The following IGFBPL1 variants were observed in gnomAD, a reference collection of about 807,000 sequenced individuals.
IGFBPL1 encodes insulin-like growth factor-binding protein-like 1.
In IGFBPL1, 20 loss-of-function variants were observed where a neutral mutation model predicts 23.9. The ratio of observed to expected loss-of-function variants is 0.84; its 90% CI spans 0.59 to 1.22. IGFBPL1 has a LOEUF of 1.22. Among genes scored for constraint, IGFBPL1 ranks in the 50% most tolerant of loss-of-function variants. The probability of loss-of-function intolerance (pLI) is 0.00; values close to 1 mark genes in which losing one functional copy is unlikely to be tolerated. For missense variants in IGFBPL1, 436 were observed against 379.3 expected (o/e 1.15, Z -1.24); for synonymous variants, 184 against 171.8 (o/e 1.07, Z -0.56).
At chr9:38,414,314 A>T in intron 1 of IGFBPL1, 111 bp from the exon 2 acceptor site, 1 of 635,740 alleles carries the variant, frequency 1.6e-6, no homozygotes, top group Non-Finnish European at 2.8e-6. Context: ...ACATGAGGGG[A>T]GCGGCACATC....
intron 2 of IGFBPL1, 61 bp downstream of exon 2, chr9:38,414,033 T>TCTCTCTCTCACA: frequency 1.5e-6 from 1 of 680,748 alleles, no homozygotes; most frequent in African/African-American, 1.9e-5. Flanking sequence ...TCCCTCTTTC[T>TCTCTCTCTCACA]CACACACACA....
In IGFBPL1 at chr9:38,413,258, A is replaced by G; in HGVS notation, c.666T>C (p.His222=). ...AVQVRGGPSD[H]EATAWILINP... is the part of the protein sequence containing the mutation. ...TCACCAAAATCCAGGCCGTGGCCTC[A>G]TGGTCAGAAGGGCCCCCTCGCACTT... The change falls in exon 3 of 5, where the codon CAT becomes CAC. Residue 222 remains histidine (H), a synonymous_variant. Coordinates refer to ENST00000377694, the MANE Select transcript of IGFBPL1 (RefSeq NM_001007563.3). 1 of 1,613,232 alleles carries G rather than the reference A, an allele frequency of 6.2e-7. No homozygotes were observed. Among genetic ancestry groups the G allele is most frequent in the Non-Finnish European group, 8.5e-7 (1 of 1,179,262 alleles).
intron 1 of IGFBPL1, among the ~76,000 whole-genome samples, chr9:38,415,134 T>G (rs1821582843): frequency 6.6e-6 from 1 of 152,220 alleles, no homozygotes; most frequent in South Asian, 2.1e-4. Context: ...ATCACACCCC[T>G]GCTTCCTAGG....
chr9:38,417,580 T>C (rs1440821400), intron 1 of IGFBPL1, among the ~76,000 whole-genome samples: 3 of 152,176 alleles, frequency 2.0e-5, no homozygotes, highest in Non-Finnish European at 4.4e-5. Context: ...TCTGGTTCAA[T>C]GATTTCCTAG....
At chr9:38,418,380 T>C (rs1587416060) in intron 1 of IGFBPL1, among the ~76,000 whole-genome samples, 2 of 152,190 alleles carry the variant, frequency 1.3e-5, no homozygotes, top group East Asian at 3.9e-4. Context: ...AAGGCTGTTG[T>C]GAGGAACAAT....
At chr9:38,416,278 A>T (rs892311843) in intron 1 of IGFBPL1, among the ~76,000 whole-genome samples, 1 of 152,194 alleles carries the variant, frequency 6.6e-6, no homozygotes, top group Non-Finnish European at 1.5e-5. Flanking sequence ...GATTTCATCA[A>T]TCCCTTTCAG....
At position 38,414,119 on chromosome 9, in the gene IGFBPL1, G is replaced by A; in HGVS notation, c.545C>T (p.Pro182Leu). ...VGLSCEVRAV[P>L]TPVITWRKVT... is the part of the protein sequence containing the mutation. ...CTTTCTCCACGTGATGACTGGGGTA[G>A]GCACAGCCCTCACTTCACAGGACAG... Residue 182 changes from proline (P) to leucine (L), a missense_variant, in exon 2 of 5, where the codon CCT becomes CTT. By Grantham distance (98) the Pro-to-Leu change is moderately conservative (BLOSUM62 -3). Transcript: ENST00000377694. The A allele has an allele frequency of 6.2e-7, 1 of 1,611,870 alleles. No individual in the cohort carries two copies. The highest frequency in any genetic ancestry group is 1.7e-5 in the Admixed American group (1 of 59,932).
At position 38,407,720 on chromosome 9, in the gene IGFBPL1, CT is replaced by C. The variant is rs951538374; in HGVS notation, c.*1506del. Reference sequence around the variant, plus strand: ...TGAGCTCTGCTCCTCTTTCAGAGGCCTTCAGGCCTTGGGCAAGTAGCTTCTC... The same window carrying C: ...TGAGCTCTGCTCCTCTTTCAGAGGCCTCAGGCCTTGGGCAAGTAGCTTCTC... On this transcript the variant is annotated 3_prime_UTR_variant, in exon 5 of 5. Transcript: ENST00000377694. 6.6e-6 allele frequency among the ~76,000 whole-genome samples: 1 copy of C among 152,198 alleles called. No homozygotes were observed. The highest frequency in any genetic ancestry group is 2.4e-5 in the African/African-American group (1 of 41,462).
chr9:38,407,579 T>G lies in IGFBPL1; in HGVS notation c.*1648A>C, dbSNP rs989329595. On this transcript the variant is annotated 3_prime_UTR_variant, in exon 5 of 5. Transcript: ENST00000377694. Reference sequence around the variant, plus strand: ...TGTGCCTTAAAAGTTGGGATGAGTCTTGATAAGAGTCCCTGAAGCCTGTGG... The same window carrying G: ...TGTGCCTTAAAAGTTGGGATGAGTCGTGATAAGAGTCCCTGAAGCCTGTGG... Among the ~76,000 whole-genome samples, 3 of 152,254 alleles carry G rather than the reference T, an allele frequency of 2.0e-5. No homozygotes were observed. The highest frequency in any genetic ancestry group is 7.2e-5 in the African/African-American group (3 of 41,470).
At position 38,407,478 on chromosome 9, in the gene IGFBPL1, T is replaced by G. The variant is rs1002167542; in HGVS notation, c.*1749A>C. On this transcript the variant is annotated 3_prime_UTR_variant, in exon 5 of 5. Transcript: ENST00000377694. ...CCATCCCAATATATTAGACATGGAATGGCAGGCTTACAGGCGGAAAGTTCA... is the reference window on the plus strand; with the variant it reads ...CCATCCCAATATATTAGACATGGAAGGGCAGGCTTACAGGCGGAAAGTTCA... Among the ~76,000 whole-genome samples, 1 of 152,174 alleles carries G rather than the reference T, an allele frequency of 6.6e-6. No homozygotes were observed. The highest frequency in any genetic ancestry group is 1.5e-5 in the Non-Finnish European group (1 of 68,020).
intron 1 of IGFBPL1, among the ~76,000 whole-genome samples, chr9:38,414,977 C>T (rs1821578466): frequency 6.6e-6 from 1 of 152,196 alleles, no homozygotes; most frequent in Non-Finnish European, 1.5e-5. Flanking sequence ...CTGGAATAAT[C>T]AAGGCCAGGC....
chr9:38,423,839 C>A (rs1274023113), intron 1 of IGFBPL1, 126 bp downstream of exon 1: 6 of 912,912 alleles, frequency 6.6e-6, no homozygotes, highest in Non-Finnish European at 8.7e-6. Context: ...TGAAATACTG[C>A]TCCCTAAGGG....
rs749635235 is a variant in IGFBPL1 at position 38,407,616 on chromosome 9, C to T, written c.*1611G>A. On this transcript the variant is annotated 3_prime_UTR_variant, in exon 5 of 5. Transcript: ENST00000377694. ...CCTGAAGCCTGTGGATTGGCAACAT[C>T]TGCCTTTACATAGTTTTGAGATGAC... Among the ~76,000 whole-genome samples, 1 of 152,212 alleles carries T rather than the reference C, an allele frequency of 6.6e-6. No individual in the cohort carries two copies. The highest frequency in any genetic ancestry group is 2.4e-5 in the African/African-American group (1 of 41,456).
chr9:38,414,035 A>T (rs12002718), intron 2 of IGFBPL1, 59 bp downstream of exon 2: 104 of 479,666 alleles, frequency 2.2e-4, no homozygotes, highest in African/African-American at 1.9e-3. Context: ...CCTCTTTCTC[A>T]CACACACACA....
In IGFBPL1 at chr9:38,411,434, CT is replaced by C. The variant is rs1349976974; in HGVS notation, c.802del (p.Ser268AlafsTer24). 1 of 1,613,820 alleles carries C rather than the reference CT, an allele frequency of 6.2e-7. No homozygotes were observed. The highest frequency in any genetic ancestry group is 2.2e-5 in the East Asian group (1 of 44,890). ...GTCATCGGGAGCTGGGAAGTGGAAG[CT>C]CCTGTATTTACTCAGATCTAGAACC... ...VTVLDLSKYRSFHFPAPDDRM is the reference protein window; with the variant it reads ...VTVLDLSKYRXFHFPAPDDRM On this transcript the variant is annotated frameshift_variant, in exon 4 of 5. Coordinates refer to ENST00000377694, the MANE Select transcript of IGFBPL1 (RefSeq NM_001007563.3). LOFTEE classifies it high-confidence loss of function.
chr9:38,414,285 A>G, intron 1 of IGFBPL1, 82 bp from the exon 2 acceptor site: 2 of 771,120 alleles, frequency 2.6e-6, no homozygotes, highest in South Asian at 3.3e-5. Context: ...TGCCGCGGAG[A>G]GCCCGCTGTG....
Position 38,423,985 on chromosome 9 carries a change from C to G in IGFBPL1, c.440G>C (p.Arg147Pro). ...RAHPGHLHKA[R>P]DGPCEFAPVV... ...CTCACCGAACTCGCAAGGGCCGTCG[C>G]GCGCCTTGTGCAGGTGACCGGGGTG... The change falls in exon 1 of 5, where the codon CGC becomes CCC. Residue 147 changes from arginine (R) to proline (P), a missense_variant. Coordinates refer to ENST00000377694, the MANE Select transcript of IGFBPL1 (RefSeq NM_001007563.3). 7.1e-7 allele frequency: 1 copy of G among 1,406,846 alleles called. No homozygotes were observed. The highest frequency in any genetic ancestry group is 9.2e-7 in the Non-Finnish European group (1 of 1,090,004). The allele number at this position is 1,406,846 out of a possible 1,614,324, so 87.1% of individuals were successfully genotyped here.
chr9:38,413,314 G>C lies in IGFBPL1; in HGVS notation c.610C>G (p.Leu204Val), dbSNP rs1821542708. 4 of 1,613,880 alleles carry C rather than the reference G, an allele frequency of 2.5e-6. No homozygotes were observed. Among genetic ancestry groups the C allele is most frequent in the Non-Finnish European group, 2.5e-6 (3 of 1,179,838 alleles). ...SPEGTQALEE[L>V]PGDHVNIAVQ... ...GCTATATTGACATGGTCCCCAGGCA[G>C]CTCCTCCAGTGCTTGGGTGCCCTCA... The change falls in exon 3 of 5, where the codon CTG becomes GTG. Residue 204 changes from leucine (L) to valine (V), a missense_variant. Leu to Val is a conservative substitution (Grantham distance 32). Coordinates refer to ENST00000377694, the MANE Select transcript of IGFBPL1 (RefSeq NM_001007563.3).
chr9:38,411,637 C>T (rs1821514828), intron 3 of IGFBPL1, 88 bp from the exon 4 acceptor site: 2 of 1,119,124 alleles, frequency 1.8e-6, no homozygotes, highest in Admixed American at 2.1e-5. Flanking sequence ...AGTCTGCACA[C>T]TTCCTCCTTT....
Sources: gnomAD v4.1 joint callset for allele counts (sites outside exome capture counted in the v4.1 genomes callset) on GRCh38, gnomAD v4.1.1 for gene constraint, MANE v1.5 for transcripts, NCBI Gene and HGNC (gene_info 2026-07-23, HGNC 2026-07-21) for gene names.